The following LGR6 variants were observed in gnomAD, a reference collection of about 807,000 sequenced individuals.
LGR6 encodes the protein leucine rich repeat containing G protein-coupled receptor 6, also known as leucine-rich repeat-containing G protein-coupled receptor 6.
In LGR6, 45 loss-of-function variants were observed where a neutral mutation model predicts 69.4. The observed-to-expected ratio is 0.65, with a 90% confidence interval of 0.51 to 0.83. The LOEUF (loss-of-function observed/expected upper bound fraction) is 0.83. Ranked by LOEUF, LGR6 falls within the 40% of genes least tolerant of loss-of-function variation. The probability of loss-of-function intolerance (pLI) is 0.00; values close to 1 mark genes in which losing one functional copy is unlikely to be tolerated. For missense variants in LGR6, 1,108 were observed against 1,246.7 expected, an observed-to-expected ratio of 0.89 and a Z score of 1.68; for synonymous variants, 538 against 555.0, an observed-to-expected ratio of 0.97 and a Z score of 0.43.
chr1:202,311,708 C>CT (rs889976628), intron 16 of LGR6, among the ~76,000 whole-genome samples: 6 of 152,276 alleles, frequency 3.9e-5, no homozygotes, highest in East Asian at 1.9e-4. Flanking sequence ...TAATGGATAG[C>CT]TCATAGGCTG....
chr1:202,204,949 C>T (rs777621228), intron 1 of LGR6, among the ~76,000 whole-genome samples: 207 of 19,082 alleles, frequency 0.011, 42 homozygotes, highest in East Asian at 0.023. Context: ...CAAGCACACA[C>T]ACGCACCTCC....
At chr1:202,303,457 C>G in intron 10 of LGR6, 110 bp downstream of exon 10, 1 of 837,448 alleles carries the variant, frequency 1.2e-6, no homozygotes. Flanking sequence ...TCCCTTTTAT[C>G]CAGCCTGTCT....
At chr1:202,211,262 T>A (rs1332109074) in intron 1 of LGR6, among the ~76,000 whole-genome samples, 1 of 152,198 alleles carries the variant, frequency 6.6e-6, no homozygotes, top group Admixed American at 6.5e-5. Context: ...AACATCCAAT[T>A]TCATTTAATG....
At chr1:202,223,295 C>T (rs4950775) in intron 1 of LGR6, among the ~76,000 whole-genome samples, 57,042 of 152,098 alleles carry the variant, frequency 0.38, 10,881 homozygotes, top group Non-Finnish European at 0.41. Context: ...CTTGGTTCTA[C>T]CCTGCACGGA....
chr1:202,281,518 C>T (rs191774003), intron 6 of LGR6, among the ~76,000 whole-genome samples: 13 of 152,332 alleles, frequency 8.5e-5, no homozygotes, highest in Admixed American at 1.3e-4. Context: ...ACACAGTGGG[C>T]TGAGTGGGCC....
At chr1:202,239,249 A>C (rs1243950566) in intron 4 of LGR6, among the ~76,000 whole-genome samples, 1 of 152,022 alleles carries the variant, frequency 6.6e-6, no homozygotes, top group Non-Finnish European at 1.5e-5. Context: ...TCATCCCTTC[A>C]AGCTTTCAGG....
chr1:202,225,471 C>G lies in LGR6; in HGVS notation c.261C>G (p.His87Gln), dbSNP rs1416725601. ...CAGAGCTTCAGCCTGGCCTCTTCCA[C>G]CACCTGCGCTTCTTGGAGGAGCTGT... ...NLTELQPGLFHHLRFLEELRL... is the reference protein window; with the variant it reads ...NLTELQPGLFQHLRFLEELRL... Residue 87 changes from histidine (H) to glutamine (Q), a missense_variant, in exon 2 of 18, where the codon CAC (histidine) becomes CAG (glutamine). Coordinates refer to ENST00000367278, the MANE Select transcript of LGR6 (RefSeq NM_001017403.2). 6.2e-7 allele frequency: 1 copy of G among 1,614,022 alleles called. No homozygotes were observed.
At position 202,237,141 on chromosome 1, in the gene LGR6, C is replaced by G. The variant is rs184757861; in HGVS notation, c.428+1148C>G. 3.4e-3 allele frequency among the ~76,000 whole-genome samples: 520 copies of G among 152,324 alleles called. 1 individual carries two copies. Among genetic ancestry groups the G allele is most frequent in the African/African-American group, 0.012 (503 of 41,574 alleles). ...ACCCCTCAGCTGCTCGATCGATCGG[C>G]CCCAGTGGCAGAACCTGCCTCCCTG... On this transcript the variant is annotated intron_variant, in intron 4 of 17. Coordinates refer to ENST00000367278, the MANE Select transcript of LGR6 (RefSeq NM_001017403.2).
intron 6 of LGR6, among the ~76,000 whole-genome samples, chr1:202,282,735 T>C (rs1224009346): frequency 6.6e-6 from 1 of 152,220 alleles, no homozygotes; most frequent in Admixed American, 6.5e-5. Flanking sequence ...TTCTTCACTT[T>C]TGGGGCACAC....
chr1:202,301,867 A>T (rs1013311127), intron 9 of LGR6, among the ~76,000 whole-genome samples: 1 of 152,078 alleles, frequency 6.6e-6, no homozygotes, highest in Non-Finnish European at 1.5e-5. Context: ...AAATACAAAA[A>T]AAGTAGCCGG....
intron 4 of LGR6, among the ~76,000 whole-genome samples, chr1:202,267,361 T>C (rs1558049052): frequency 1.3e-5 from 2 of 152,188 alleles, no homozygotes; most frequent in South Asian, 2.1e-4. Context: ...TGACTACTTC[T>C]AGTGCAGACA....
Position 202,291,544 on chromosome 1 carries a change from C to T in LGR6, c.717-5964C>T, listed in dbSNP as rs1166422042. 3.9e-5 allele frequency among the ~76,000 whole-genome samples: 6 copies of T among 152,222 alleles called. No individual in the cohort carries two copies. In the South Asian group the frequency reaches 1.0e-3, roughly 26 times the overall value. ...AACAATGAACATTCACATATGTGGC[C>T]TTGTGCCTGTGCTGTGGGAGATCCA... On this transcript the variant is annotated intron_variant, in intron 6 of 17. Coordinates refer to ENST00000367278, the MANE Select transcript of LGR6 (RefSeq NM_001017403.2).
Position 202,310,268 on chromosome 1 carries a change from G to A in LGR6, c.1478G>A (p.Gly493Glu). ...TGTGCCAGCTTCTTCAAGGCCTCTGGGCAGTGGGAGGCTGAAGACCTTCAC... is the reference window on the plus strand; with the variant it reads ...TGTGCCAGCTTCTTCAAGGCCTCTGAGCAGTGGGAGGCTGAAGACCTTCAC... ...GMCASFFKAS[G>E]QWEAEDLHLD... Residue 493 changes from glycine (G) to glutamate (E), a missense_variant, in exon 16 of 18, where the codon GGG becomes GAG. Gly to Glu is a moderately conservative substitution (Grantham distance 98, BLOSUM62 -2). Transcript: ENST00000367278. 2 of 1,614,084 alleles carry A rather than the reference G, an allele frequency of 1.2e-6. No individual in the cohort carries two copies. Among genetic ancestry groups the A allele is most frequent in the Non-Finnish European group, 1.7e-6 (2 of 1,180,010 alleles).
intron 3 of LGR6, among the ~76,000 whole-genome samples, chr1:202,235,683 G>A (rs1206315083): frequency 6.6e-6 from 1 of 151,948 alleles, no homozygotes; most frequent in African/African-American, 2.4e-5. Context: ...TCCCTTCTGA[G>A]ATGCTCTCCC....
chr1:202,318,229 C>T lies in LGR6; in HGVS notation c.1926C>T (p.Cys642=), dbSNP rs746552348. The change falls in exon 18 of 18, where the codon TGC becomes TGT. Residue 642 remains cysteine, a synonymous_variant. Transcript: ENST00000367278. ...CCCGCTGGGAGACGGGGCTAGGCTG[C>T]CGGGCCACTGGCTTCCTGGCAGTAC... ...YGARWETGLG[C]RATGFLAVLG... 6 of 1,611,544 alleles carry T rather than the reference C, an allele frequency of 3.7e-6. No homozygotes were observed. The highest frequency in any genetic ancestry group is 1.6e-4 in the Middle Eastern group (1 of 6,074).
At chr1:202,247,088 G>T (rs1662771312) in intron 4 of LGR6, among the ~76,000 whole-genome samples, 1 of 152,204 alleles carries the variant, frequency 6.6e-6, no homozygotes, top group South Asian at 2.1e-4. Flanking sequence ...AGATCCCCAG[G>T]CCCCTTCTCA....
intron 4 of LGR6, among the ~76,000 whole-genome samples, chr1:202,240,365 C>T (rs1029664295): frequency 1.4e-5 from 2 of 147,060 alleles, no homozygotes; most frequent in African/African-American, 5.0e-5. Flanking sequence ...CAGAGCAAGA[C>T]TCCATCTCAG....
intron 4 of LGR6, among the ~76,000 whole-genome samples, chr1:202,245,785 C>A: frequency 6.6e-6 from 1 of 152,090 alleles, no homozygotes; most frequent in Non-Finnish European, 1.5e-5. Context: ...CTCCTCAGCT[C>A]TCCTTCCTCT....
rs1037894390 is a variant in LGR6, at chr1:202,243,809, G to A, written c.428+7816G>A. ...CATGAATTTGGAGATTTTTCTCAAG[G>A]AGTCATTTTCTTGGGTCTCCTGAGC... On this transcript the variant is annotated intron_variant, in intron 4 of 17. Transcript: ENST00000367278. Among the ~76,000 whole-genome samples, 10 of 152,310 alleles carry A rather than the reference G, an allele frequency of 6.6e-5. 1 individual carries two copies. The South Asian group carries it at 2.1e-3, about 32-fold the overall frequency.
Sources: allele counts gnomAD v4.1 joint callset (sites outside exome capture counted in the v4.1 genomes callset), GRCh38; gene constraint gnomAD v4.1.1; transcripts MANE v1.5; gene names NCBI Gene and HGNC (gene_info 2026-07-23, HGNC 2026-07-21).